The following PDZRN3 variants were observed in gnomAD, a reference collection of about 807,000 sequenced individuals.
The protein encoded by PDZRN3 is E3 ubiquitin-protein ligase PDZRN3.
PDZRN3 carries 38 observed loss-of-function variants against 85.7 expected under a neutral mutation model. The ratio of observed to expected loss-of-function variants is 0.44; its 90% CI spans 0.34 to 0.58. PDZRN3 has a LOEUF of 0.58. Ranked by LOEUF, PDZRN3 falls within the 20% of genes least tolerant of loss-of-function variation. The pLI, the probability that PDZRN3 is intolerant of heterozygous loss-of-function variation, is 0.01. For synonymous variants in PDZRN3, 759 were observed against 638.0 expected, an observed-to-expected ratio of 1.19 and a Z score of -2.86; for missense variants, 1,629 against 1,506.4, an observed-to-expected ratio of 1.08 and a Z score of -1.35.
chr3:73,577,954 A>G (rs1702148465), intron 3 of PDZRN3, among the ~76,000 whole-genome samples: 2 of 152,358 alleles, frequency 1.3e-5, no homozygotes, highest in South Asian at 4.1e-4. Flanking sequence ...CTAGAGCAAC[A>G]GAGTTGAATG....
rs544786301 is a variant in PDZRN3 at position 73,607,403 on chromosome 3, C to G, written c.810+1195G>C. Among the ~76,000 whole-genome samples, 41 of 152,264 alleles carry G rather than the reference C, an allele frequency of 2.7e-4. 1 individual carries two copies. Among genetic ancestry groups the G allele is most frequent in the African/African-American group, 9.4e-4 (39 of 41,556 alleles). ...GAACTCAGCTCCAACGGCCCCTCCCCAGGACACCTCCTCCCGCAGGGTTAA... is the reference window on the plus strand; with the variant it reads ...GAACTCAGCTCCAACGGCCCCTCCCGAGGACACCTCCTCCCGCAGGGTTAA... On this transcript the variant is annotated intron_variant, in intron 2 of 9. Transcript: ENST00000263666.
Position 73,624,480 on chromosome 3 carries a change from C to T in PDZRN3, c.346G>A (p.Gly116Ser). 1 of 1,399,816 alleles carries T rather than the reference C, an allele frequency of 7.1e-7. No homozygotes were observed. Among genetic ancestry groups the T allele is most frequent in the Non-Finnish European group, 9.2e-7 (1 of 1,084,914 alleles). The allele number at this position is 1,399,816 out of a possible 1,614,324, so 86.7% of individuals were successfully genotyped here. The change falls in exon 1 of 10, where the codon GGT becomes AGT. Residue 116 changes from glycine to serine, a missense_variant. Coordinates refer to ENST00000263666, the MANE Select transcript of PDZRN3 (RefSeq NM_015009.3). ...DFAPARCRHA[G>S]CGQVLLRRDV... ...CGCCGCAGCAGCACCTGGCCGCAAC[C>T]CGCGTGGCGACAGCGCGCGGGCGCG...
chr3:73,589,011 C>T (rs1487836410), intron 3 of PDZRN3, among the ~76,000 whole-genome samples: 1 of 151,746 alleles, frequency 6.6e-6, no homozygotes, highest in Non-Finnish European at 1.5e-5. Context: ...CTTGAATATT[C>T]ATAAAACAGT....
chr3:73,386,395 C>T (rs1701388535), intron 8 of PDZRN3, among the ~76,000 whole-genome samples: 1 of 152,018 alleles, frequency 6.6e-6, no homozygotes, highest in South Asian at 2.1e-4. Flanking sequence ...TTGGGTTTCA[C>T]CATGTTGGCC....
intron 3 of PDZRN3, among the ~76,000 whole-genome samples, chr3:73,502,915 T>C (rs1704008392): frequency 6.6e-6 from 1 of 152,188 alleles, no homozygotes; most frequent in African/African-American, 2.4e-5. Flanking sequence ...CACAAAATAC[T>C]TTCTACAAGA....
In PDZRN3 at chr3:73,384,584, G is replaced by A. The variant is rs2106668479; in HGVS notation, c.1982C>T (p.Pro661Leu). The A allele has an allele frequency of 2.5e-6, 4 of 1,613,786 alleles. No individual in the cohort carries two copies. The East Asian group carries it at 8.9e-5, about 36-fold the overall frequency. Residue 661 changes from proline to leucine, a missense_variant, in exon 10 of 10, where the codon CCT becomes CTT. Physicochemically the swap from Pro to Leu is moderately conservative, Grantham distance 98. Transcript: ENST00000263666. ...ELKCQVKSAT[P>L]YGLYYPSGPL... ...GCCGCTAGGGTAGTACAGGCCGTAA[G>A]GGGTGGCGCTCTTCACCTGGCACTT... is the stretch of plus-strand genomic sequence containing the variant.
intron 3 of PDZRN3, among the ~76,000 whole-genome samples, chr3:73,545,269 T>A (rs1054630114): frequency 2.0e-5 from 3 of 152,114 alleles, no homozygotes; most frequent in African/African-American, 7.2e-5. Flanking sequence ...AAAGCCTCCA[T>A]AGGTGATAAT....
At chr3:73,513,241 T>C (rs878976972) in intron 3 of PDZRN3, among the ~76,000 whole-genome samples, 1 of 152,228 alleles carries the variant, frequency 6.6e-6, no homozygotes, top group Admixed American at 6.5e-5. Flanking sequence ...CTGCTGTTCA[T>C]AGTCATCGTC....
At chr3:73,546,406 T>G (rs1701424165) in intron 3 of PDZRN3, among the ~76,000 whole-genome samples, 1 of 152,216 alleles carries the variant, frequency 6.6e-6, no homozygotes, top group African/African-American at 2.4e-5. Flanking sequence ...CACTTGAAAG[T>G]ACTTTTGGGA....
chr3:73,487,421 T>C (rs1243634395), intron 3 of PDZRN3, among the ~76,000 whole-genome samples: 1 of 152,174 alleles, frequency 6.6e-6, no homozygotes, highest in Non-Finnish European at 1.5e-5. Flanking sequence ...ATTTTAAACG[T>C]TCACTCTTTA....
At chr3:73,554,837 C>T (rs1432879713) in intron 3 of PDZRN3, among the ~76,000 whole-genome samples, 1 of 152,218 alleles carries the variant, frequency 6.6e-6, no homozygotes, top group East Asian at 1.9e-4. Flanking sequence ...AAACGTGTTG[C>T]TTTTACATCA....
chr3:73,476,141 G>A (rs1004716141), intron 3 of PDZRN3, among the ~76,000 whole-genome samples: 2 of 152,118 alleles, frequency 1.3e-5, no homozygotes, highest in East Asian at 3.8e-4. Flanking sequence ...ATCTTAGTTC[G>A]TTCTTGCATT....
At chr3:73,464,427 T>C (rs1559693454) in intron 3 of PDZRN3, among the ~76,000 whole-genome samples, 1 of 152,216 alleles carries the variant, frequency 6.6e-6, no homozygotes, top group Non-Finnish European at 1.5e-5. Context: ...GCTGACCTTA[T>C]ATCAAATAAC....
chr3:73,496,322 T>C (rs1703865305), intron 3 of PDZRN3, among the ~76,000 whole-genome samples: 2 of 152,222 alleles, frequency 1.3e-5, no homozygotes, highest in African/African-American at 4.8e-5. Flanking sequence ...ATGTTTATCT[T>C]TCCTTTGATT....
rs1303730804 is a variant in PDZRN3, at chr3:73,624,344, C to T, written c.482G>A (p.Cys161Tyr). 1 of 1,303,202 alleles carries T rather than the reference C, an allele frequency of 7.7e-7. No homozygotes were observed. Among genetic ancestry groups the T allele is most frequent in the Admixed American group, 4.2e-5 (1 of 24,074 alleles). 80.7% of individuals were successfully genotyped at this position (1,303,202 alleles called of 1,614,324 possible). ...GTGCGCCCGCAGCGCTCGCGCGCAG[C>T]AGTGGCCGCCCGCGCGCTGCTCGCC... Reference protein sequence around the residue: ...THGEQRAGGHCCARALRAHNG... With the variant: ...THGEQRAGGHYCARALRAHNG... The change falls in exon 1 of 10, where the codon TGC becomes TAC. Residue 161 changes from cysteine (C) to tyrosine (Y), a missense_variant. By Grantham distance (194) the Cys-to-Tyr change is radical. Transcript: ENST00000263666.
At chr3:73,584,767 A>AAT (rs1559748594) in intron 3 of PDZRN3, among the ~76,000 whole-genome samples, 3 of 152,148 alleles carry the variant, frequency 2.0e-5, no homozygotes, top group Admixed American at 6.5e-5. Context: ...AGCTAAGCAA[A>AAT]ATGCTACATT....
chr3:73,528,181 C>A (rs527492906), intron 3 of PDZRN3, among the ~76,000 whole-genome samples: 1 of 152,324 alleles, frequency 6.6e-6, no homozygotes, highest in East Asian at 1.9e-4. Context: ...CCTCCTTAGA[C>A]CTGCCTGGGA....
chr3:73,512,238 A>T (rs1704179225), intron 3 of PDZRN3, among the ~76,000 whole-genome samples: 1 of 152,270 alleles, frequency 6.6e-6, no homozygotes, highest in Non-Finnish European at 1.5e-5. Flanking sequence ...CCATCACAGC[A>T]GCGAACCGTT....
intron 3 of PDZRN3, among the ~76,000 whole-genome samples, chr3:73,598,290 T>C (rs1702460354): frequency 6.6e-6 from 1 of 152,196 alleles, no homozygotes; most frequent in African/African-American, 2.4e-5. Flanking sequence ...TAAAATATAG[T>C]TCAGACAGTA....
Sources: gnomAD v4.1 joint callset for allele counts (sites outside exome capture counted in the v4.1 genomes callset) on GRCh38, gnomAD v4.1.1 for gene constraint, MANE v1.5 for transcripts, NCBI Gene and HGNC (gene_info 2026-07-23, HGNC 2026-07-21) for gene names.